The following CASK variants were observed in gnomAD, a reference collection of about 807,000 sequenced individuals.
CASK encodes peripheral plasma membrane protein CASK.
CASK carries 4 observed loss-of-function variants against 82.9 expected under a neutral mutation model. The observed-to-expected ratio is 0.05, with a 90% confidence interval of 0.02 to 0.11. The LOEUF (loss-of-function observed/expected upper bound fraction) is 0.11, where lower values mean the gene tolerates loss of function less well. Among genes scored for constraint, CASK ranks in the 10% least tolerant of loss-of-function variants. CASK has a pLI of 1.00. For missense variants in CASK, 358 were observed against 720.9 expected (o/e 0.50, Z 5.76); for synonymous variants, 259 against 253.5 (o/e 1.02, Z -0.20).
At chrX:41,921,731 A>G (rs1489776285) in intron 1 of CASK, among the ~76,000 whole-genome samples, 1 of 110,766 alleles carries the variant, frequency 9.0e-6, no homozygotes, top group Non-Finnish European at 1.9e-5. Context: ...CTCAATATGG[A>G]AAGAAAAGGA....
At chrX:41,861,340 A>C (rs2071472886) in intron 1 of CASK, among the ~76,000 whole-genome samples, 1 of 110,929 alleles carries the variant, frequency 9.0e-6, no homozygotes, top group Non-Finnish European at 1.9e-5. Flanking sequence ...GTTAGCTCAC[A>C]CTTGATGGAG....
intron 3 of CASK, among the ~76,000 whole-genome samples, chrX:41,750,140 T>A (rs751436574): frequency 8.9e-5 from 10 of 112,193 alleles, no homozygotes; most frequent in African/African-American, 3.2e-4. Context: ...TATTTGATTA[T>A]TTATAATATT....
intron 21 of CASK, among the ~76,000 whole-genome samples, chrX:41,550,940 A>G (rs187053921): frequency 1.8e-5 from 2 of 111,067 alleles, no homozygotes; most frequent in East Asian, 5.7e-4. Context: ...TCGTAAGCTT[A>G]TTTTTAAAAT....
intron 16 of CASK, among the ~76,000 whole-genome samples, chrX:41,563,356 CAAAAAAAAAAAAA>C (rs746081703): frequency 6.6e-5 from 1 of 15,148 alleles, no homozygotes; most frequent in South Asian, 3.3e-3. Flanking sequence ...GACCCTGTCT[CAAAAAAAAAAAAA>C]AAAAAAAAAA....
intron 5 of CASK, among the ~76,000 whole-genome samples, chrX:41,702,814 A>AC (rs1247934170): frequency 8.9e-6 from 1 of 112,183 alleles, no homozygotes; most frequent in East Asian, 2.8e-4. Context: ...AAAAACAAAA[A>AC]CAAAAAACAA....
intron 5 of CASK, among the ~76,000 whole-genome samples, chrX:41,732,674 G>A (rs745569273): frequency 2.7e-5 from 3 of 111,005 alleles, no homozygotes; most frequent in African/African-American, 9.9e-5. Flanking sequence ...TATCACACAC[G>A]CTACTCCTGG....
chrX:41,814,862 G>A lies in CASK; in HGVS notation c.173-27579C>T, dbSNP rs142188272. On this transcript the variant is annotated intron_variant, in intron 2 of 26. Transcript: ENST00000378163. ...AACTAGAAAATTGAATAAGATGTAT[G>A]AAACAAATATTATCAGGCACTGAGA... Among the ~76,000 whole-genome samples the A allele has an allele frequency of 1.6e-3, 183 of 112,049 alleles. 4 individuals carry two copies. In the East Asian group the frequency reaches 0.049, roughly 30 times the overall value.
chrX:41,527,221 G>A (rs2064726816), intron 25 of CASK, among the ~76,000 whole-genome samples: 1 of 110,641 alleles, frequency 9.0e-6, no homozygotes, highest in African/African-American at 3.3e-5. Context: ...GTGAGAGAGA[G>A]GGGGAGAGGC....
intron 20 of CASK, among the ~76,000 whole-genome samples, chrX:41,555,291 T>A (rs1305313791): frequency 8.9e-6 from 1 of 112,131 alleles, no homozygotes; most frequent in Non-Finnish European, 1.9e-5. Flanking sequence ...TTCTAAGAAT[T>A]TTATAACCTT....
At chrX:41,840,310 T>C (rs1416373920) in intron 2 of CASK, among the ~76,000 whole-genome samples, 2 of 112,443 alleles carry the variant, frequency 1.8e-5, no homozygotes, top group Non-Finnish European at 3.8e-5. Context: ...GTTATGCTTA[T>C]ACATAAGCAG....
chrX:41,813,573 C>A (rs1246698231), intron 2 of CASK, among the ~76,000 whole-genome samples: 1 of 111,485 alleles, frequency 9.0e-6, no homozygotes, highest in Non-Finnish European at 1.9e-5. Context: ...CTTCCTTACA[C>A]CTTATATAAA....
intron 12 of CASK, among the ~76,000 whole-genome samples, chrX:41,593,760 T>C (rs1328866372): frequency 1.1e-4 from 12 of 112,625 alleles, no homozygotes. Context: ...ATTTGAGAAA[T>C]ATGGCAAAGC....
intron 2 of CASK, among the ~76,000 whole-genome samples, chrX:41,822,063 G>A (rs1012036439): frequency 1.8e-5 from 2 of 112,161 alleles, no homozygotes; most frequent in African/African-American, 6.5e-5. Flanking sequence ...AATTTGTTAT[G>A]CAGCCACAGT....
At chrX:41,741,399 C>T (rs1602553861) in intron 4 of CASK, among the ~76,000 whole-genome samples, 1 of 111,782 alleles carries the variant, frequency 8.9e-6, no homozygotes, top group Admixed American at 9.5e-5. Context: ...CTTATTTGTC[C>T]ATCTAGATGT....
chrX:41,537,409 T>C (rs562548947), intron 22 of CASK, among the ~76,000 whole-genome samples: 5 of 111,244 alleles, frequency 4.5e-5, no homozygotes, highest in African/African-American at 1.6e-4. Context: ...AAGGACTTAA[T>C]AAAAGAAAAC....
Position 41,679,464 on chromosome X carries a change from G to A in CASK, c.430-7934C>T, listed in dbSNP as rs1397159789. On this transcript the variant is annotated intron_variant, in intron 5 of 26. Transcript: ENST00000378163. ...CAGTAGTTCATTTCTTTTTACTACT[G>A]CCGTAAGTATTGCATTGTATGAATA... Among the ~76,000 whole-genome samples the A allele has an allele frequency of 3.6e-5, 4 of 111,911 alleles. No individual in the cohort carries two copies. In the Admixed American group the frequency reaches 3.8e-4, roughly 11 times the overall value.
intron 1 of CASK, among the ~76,000 whole-genome samples, chrX:41,882,085 T>C (rs1186002981): frequency 9.0e-6 from 1 of 111,673 alleles, no homozygotes; most frequent in African/African-American, 3.3e-5. Flanking sequence ...AAGCACTCAA[T>C]AAAAACCAAC....
intron 2 of CASK, among the ~76,000 whole-genome samples, chrX:41,798,289 C>T (rs2069906666): frequency 8.9e-6 from 1 of 112,045 alleles, no homozygotes; most frequent in Admixed American, 9.5e-5. Context: ...GGGCACCCAG[C>T]GTTTCACCAA....
chrX:41,885,487 G>A (rs1465505249), intron 1 of CASK, among the ~76,000 whole-genome samples: 9 of 111,234 alleles, frequency 8.1e-5, no homozygotes, highest in African/African-American at 2.9e-4. Flanking sequence ...TTTATGAGAT[G>A]GAAAAAGAAA....
Sources: allele counts gnomAD v4.1 joint callset (sites outside exome capture counted in the v4.1 genomes callset), GRCh38; gene constraint gnomAD v4.1.1; transcripts MANE v1.5; gene names NCBI Gene and HGNC (gene_info 2026-07-23, HGNC 2026-07-21).